The following RAPGEF1 variants were observed in gnomAD, a reference collection of about 807,000 sequenced individuals.
RAPGEF1 encodes the protein Rap guanine nucleotide exchange factor 1, also known as CRK SH3-binding GNRP.
In RAPGEF1, 33 loss-of-function variants were observed where a neutral mutation model predicts 143.3. That is an observed-to-expected ratio of 0.23 (90% confidence interval 0.17 to 0.31). The LOEUF is 0.31. Among genes scored for constraint, RAPGEF1 ranks in the 10% least tolerant of loss-of-function variants. The probability of loss-of-function intolerance (pLI) is 1.00; values close to 1 mark genes in which losing one functional copy is unlikely to be tolerated. For synonymous variants in RAPGEF1, 629 were observed against 676.5 expected, an observed-to-expected ratio of 0.93 and a Z score of 1.09; for missense variants, 1,199 against 1,645.4, an observed-to-expected ratio of 0.73 and a Z score of 4.69.
intron 25 of RAPGEF1, 127 bp from the exon 26 acceptor site, chr9:131,580,518 A>G: frequency 8.7e-7 from 1 of 1,142,874 alleles, no homozygotes; most frequent in Non-Finnish European, 1.2e-6. Flanking sequence ...CCAAAGAGCC[A>G]GTCTGAGGTG....
chr9:131,604,998 G>A lies in RAPGEF1; in HGVS notation c.2252C>T (p.Ala751Val). Reference protein sequence around the residue: ...PPSTVDGPLSASQESSFHGNT... With the variant: ...PPSTVDGPLSVSQESSFHGNT... ...CCCATGAAAGCTGCTCTCCTGAGAA[G>A]CCGAGAGAGGCCCGTCCACGGTGCT... The change falls in exon 13 of 27, where the codon GCT becomes GTT. Residue 751 changes from alanine (A) to valine (V), a missense_variant. By Grantham distance (64) the Ala-to-Val change is moderately conservative (BLOSUM62 0). Coordinates refer to ENST00000683357, the MANE Select transcript of RAPGEF1 (RefSeq NM_001377935.1). 1 of 1,349,874 alleles carries A rather than the reference G, an allele frequency of 7.4e-7. No homozygotes were observed. The highest frequency in any genetic ancestry group is 9.9e-7 in the Non-Finnish European group (1 of 1,014,102). The allele number at this position is 1,349,874 out of a possible 1,614,324, so 83.6% of individuals were successfully genotyped here.
At chr9:131,582,745 G>C in intron 24 of RAPGEF1, 43 bp from the exon 25 acceptor site, 3 of 1,503,270 alleles carry the variant, frequency 2.0e-6, no homozygotes, top group Non-Finnish European at 2.7e-6. Flanking sequence ...GGGTGAGCGA[G>C]TGCTGGGGCA....
chr9:131,730,884 G>A (rs1837028016), intron 1 of RAPGEF1, among the ~76,000 whole-genome samples: 2 of 152,064 alleles, frequency 1.3e-5, no homozygotes, highest in Admixed American at 1.3e-4. Flanking sequence ...CAGTCAGGAG[G>A]AGAGCTGTCT....
At chr9:131,660,930 T>A (rs901586922) in intron 1 of RAPGEF1, among the ~76,000 whole-genome samples, 5 of 152,192 alleles carry the variant, frequency 3.3e-5, no homozygotes, top group African/African-American at 1.2e-4. Context: ...AACATTCAAA[T>A]GGCCAATAAA....
intron 1 of RAPGEF1, among the ~76,000 whole-genome samples, chr9:131,665,185 C>A (rs1447382420): frequency 2.0e-5 from 3 of 152,130 alleles, no homozygotes; most frequent in Admixed American, 6.5e-5. Context: ...TTGGTGATTC[C>A]CTTGGACATT....
At chr9:131,734,558 G>A (rs774524459) in intron 1 of RAPGEF1, among the ~76,000 whole-genome samples, 16 of 152,200 alleles carry the variant, frequency 1.1e-4, no homozygotes, top group Non-Finnish European at 2.4e-4. Flanking sequence ...CAGAGCAGGT[G>A]CCATCAAAAT....
chr9:131,719,429 T>C (rs2131268416), intron 1 of RAPGEF1, among the ~76,000 whole-genome samples: 1 of 152,226 alleles, frequency 6.6e-6, no homozygotes, highest in East Asian at 1.9e-4. Flanking sequence ...CTTCAGTCTG[T>C]GATGTCTTTT....
rs1455782849 is a variant in RAPGEF1 at position 131,577,720 on chromosome 9, T to C, written c.*1777A>G. ...AAAACCCAACCCACACACAATACTG[T>C]TAATAAGCCAGCGACTCTACACACA... On this transcript the variant is annotated 3_prime_UTR_variant, in exon 27 of 27. Coordinates refer to ENST00000683357, the MANE Select transcript of RAPGEF1 (RefSeq NM_001377935.1). 6.6e-6 allele frequency: 1 copy of C among 152,054 alleles called. No homozygotes were observed. Among genetic ancestry groups the C allele is most frequent in the Non-Finnish European group, 1.5e-5 (1 of 67,998 alleles). 9.4% of individuals were successfully genotyped at this position (152,054 alleles called of 1,614,324 possible).
intron 18 of RAPGEF1, among the ~76,000 whole-genome samples, chr9:131,590,744 C>T (rs1192676801): frequency 6.6e-6 from 1 of 152,224 alleles, no homozygotes; most frequent in Non-Finnish European, 1.5e-5. Context: ...GCCCACAGCA[C>T]AGGGGTCGCC....
intron 22 of RAPGEF1, among the ~76,000 whole-genome samples, chr9:131,587,281 C>CACACACA (rs1953292626): frequency 3.0e-5 from 4 of 133,680 alleles, no homozygotes; most frequent in Admixed American, 7.2e-5. Context: ...CACACACACA[C>CACACACA]CTGCAGAGCG....
intron 1 of RAPGEF1, among the ~76,000 whole-genome samples, chr9:131,711,657 C>G (rs1835519282): frequency 6.6e-6 from 1 of 152,214 alleles, no homozygotes. Flanking sequence ...CACGCCCAGC[C>G]CTTCATCACT....
At chr9:131,704,563 C>T (rs1834907983) in intron 1 of RAPGEF1, among the ~76,000 whole-genome samples, 1 of 152,056 alleles carries the variant, frequency 6.6e-6, no homozygotes, top group Admixed American at 6.6e-5. Flanking sequence ...AAATCATTAA[C>T]ATTTCCATTT....
At chr9:131,684,813 C>A (rs1833201694) in intron 1 of RAPGEF1, among the ~76,000 whole-genome samples, 1 of 152,228 alleles carries the variant, frequency 6.6e-6, no homozygotes, top group African/African-American at 2.4e-5. Flanking sequence ...GAAACCTTAT[C>A]ATGAGCCAGA....
At chr9:131,657,193 A>G (rs1024474674) in intron 1 of RAPGEF1, among the ~76,000 whole-genome samples, 1 of 152,234 alleles carries the variant, frequency 6.6e-6, no homozygotes, top group Non-Finnish European at 1.5e-5. Flanking sequence ...GTGCCCTCAC[A>G]TGAACACTGC....
intron 3 of RAPGEF1, among the ~76,000 whole-genome samples, chr9:131,646,939 G>C (rs1215071706): frequency 6.6e-6 from 1 of 152,154 alleles, no homozygotes; most frequent in Non-Finnish European, 1.5e-5. Context: ...CATCTCCCTG[G>C]AAGAGCTGAA....
rs1395188152 is a variant in RAPGEF1, at chr9:131,655,202, A to G, written c.62-4253T>C. ...CCCTTTGCAAATTACCTAGGCACCC[A>G]CTGCGCTCTGGACCAAAGAGAAAAG... On this transcript the variant is annotated intron_variant, in intron 1 of 26. Coordinates refer to ENST00000683357, the MANE Select transcript of RAPGEF1 (RefSeq NM_001377935.1). This position sits in a 1 kb window ranked among gnomAD's most constrained non-coding sequence, Gnocchi z 4.1. Among the ~76,000 whole-genome samples, 1 of 152,218 alleles carries G rather than the reference A, an allele frequency of 6.6e-6. No individual in the cohort carries two copies. Among genetic ancestry groups the G allele is most frequent in the Non-Finnish European group, 1.5e-5 (1 of 68,038 alleles).
intron 1 of RAPGEF1, among the ~76,000 whole-genome samples, chr9:131,692,535 C>A (rs1833854888): frequency 6.6e-6 from 1 of 152,126 alleles, no homozygotes. Context: ...GATATGTGGG[C>A]CACAGAGAGT....
chr9:131,663,324 C>A (rs1158093648), intron 1 of RAPGEF1, among the ~76,000 whole-genome samples: 2 of 152,202 alleles, frequency 1.3e-5, no homozygotes, highest in African/African-American at 4.8e-5. Flanking sequence ...ATACTACCAG[C>A]TGTCTCTCTC....
At chr9:131,604,619 T>C (rs1588369460) in intron 13 of RAPGEF1, among the ~76,000 whole-genome samples, 1 of 152,246 alleles carries the variant, frequency 6.6e-6, no homozygotes, top group South Asian at 2.1e-4. Flanking sequence ...TTGTATCTTA[T>C]GCGTCTGATA....
Sources: gnomAD v4.1 joint callset for allele counts (sites outside exome capture counted in the v4.1 genomes callset) on GRCh38, gnomAD v4.1.1 for gene constraint, Gnocchi (gnomAD v3.1) non-coding constraint, MANE v1.5 for transcripts, NCBI Gene and HGNC (gene_info 2026-07-23, HGNC 2026-07-21) for gene names.